ADGRL4: variants seen among roughly 807,000 people sequenced by gnomAD.
ADGRL4 encodes the protein EGF, latrophilin and seven transmembrane domain containing 1.
ADGRL4 carries 90 observed loss-of-function variants against 74.8 expected under a neutral mutation model. That is an observed-to-expected ratio of 1.20 (90% CI 1.02 to 1.43). The LOEUF is 1.43. ADGRL4 is among the 40% of genes most tolerant of loss of function. The pLI, the probability that ADGRL4 is intolerant of heterozygous loss-of-function variation, is 0.00. For synonymous variants in ADGRL4, 311 were observed against 279.2 expected (o/e 1.11, Z -1.14); for missense variants, 881 against 814.3 (o/e 1.08, Z -1.00).
chr1:78,905,514 C>T (rs1038672933), intron 12 of ADGRL4, among the ~76,000 whole-genome samples: 2 of 151,874 alleles, frequency 1.3e-5, no homozygotes, highest in African/African-American at 2.4e-5. Context: ...TTTTGAGACA[C>T]CTGTGGCCTT....
intron 7 of ADGRL4, among the ~76,000 whole-genome samples, chr1:78,927,730 T>G (rs1649148833): frequency 1.3e-5 from 2 of 152,016 alleles, no homozygotes; most frequent in African/African-American, 2.4e-5. Context: ...AATATTAATA[T>G]CATCAAATAA....
chr1:78,909,219 G>C (rs1019414101), intron 12 of ADGRL4, among the ~76,000 whole-genome samples: 1 of 151,956 alleles, frequency 6.6e-6, no homozygotes, highest in African/African-American at 2.4e-5. Context: ...ATTACAATGA[G>C]TAGTGTTTCT....
intron 12 of ADGRL4, among the ~76,000 whole-genome samples, chr1:78,906,799 A>C (rs1570217176): frequency 6.6e-6 from 1 of 151,996 alleles, no homozygotes; most frequent in East Asian, 1.9e-4. Flanking sequence ...GCTAAAATAG[A>C]ACTTTCGCAA....
chr1:78,922,334 C>A (rs1247586643), intron 8 of ADGRL4, among the ~76,000 whole-genome samples: 1 of 151,848 alleles, frequency 6.6e-6, no homozygotes, highest in African/African-American at 2.4e-5. Context: ...ACAGAGGGTT[C>A]CAAACAGTTG....
chr1:78,962,997 A>G (rs1405412178), intron 2 of ADGRL4, among the ~76,000 whole-genome samples: 1 of 152,176 alleles, frequency 6.6e-6, no homozygotes, highest in East Asian at 1.9e-4. Context: ...TTATAAGCTG[A>G]GGAACTCTCC....
intron 2 of ADGRL4, among the ~76,000 whole-genome samples, chr1:78,972,192 T>C (rs951996643): frequency 6.6e-5 from 10 of 152,234 alleles, no homozygotes; most frequent in Non-Finnish European, 1.0e-4. Context: ...TTGCTACTTA[T>C]GTTATGGAAT....
chr1:78,966,048 TG>T (rs1650049824), intron 2 of ADGRL4, among the ~76,000 whole-genome samples: 1 of 151,534 alleles, frequency 6.6e-6, no homozygotes, highest in Non-Finnish European at 1.5e-5. Context: ...AAATTTTGGT[TG>T]GGAAAAGCCA....
chr1:78,965,929 G>C (rs976987634), intron 2 of ADGRL4, among the ~76,000 whole-genome samples: 1 of 148,790 alleles, frequency 6.7e-6, no homozygotes, highest in Non-Finnish European at 1.5e-5. Context: ...TTTGCCAAAA[G>C]AACTATTCTT....
chr1:78,963,054 G>T (rs1347941859), intron 2 of ADGRL4, among the ~76,000 whole-genome samples: 1 of 152,058 alleles, frequency 6.6e-6, no homozygotes, highest in South Asian at 2.1e-4. Flanking sequence ...AAGGAAAAAA[G>T]ATCATAATTT....
At chr1:78,942,492 G>A (rs1016695958) in intron 3 of ADGRL4, among the ~76,000 whole-genome samples, 1 of 152,094 alleles carries the variant, frequency 6.6e-6, no homozygotes, top group African/African-American at 2.4e-5. Flanking sequence ...ATCTCTGTTA[G>A]GTAATTATTT....
rs1400298765 is a variant in ADGRL4 at position 78,944,822 on chromosome 1, T to A, written c.325+1452A>T. Among the ~76,000 whole-genome samples the A allele has an allele frequency of 3.3e-5, 5 of 152,122 alleles. No individual in the cohort carries two copies. The East Asian group carries it at 9.6e-4, about 29-fold the overall frequency. ...CTTTTTTACATAACAGAGTAAATGT[T>A]GTGAAGCGTAGGTACATGAGACTGG... On this transcript the variant is annotated intron_variant, in intron 3 of 14. Transcript: ENST00000370742.
chr1:78,943,470 T>G (rs544510024), intron 3 of ADGRL4, among the ~76,000 whole-genome samples: 1 of 152,222 alleles, frequency 6.6e-6, no homozygotes, highest in Admixed American at 6.5e-5. Context: ...AATGAACTTA[T>G]GTGTCGAAAA....
intron 8 of ADGRL4, among the ~76,000 whole-genome samples, chr1:78,924,972 T>G (rs941674031): frequency 6.6e-6 from 1 of 152,120 alleles, no homozygotes; most frequent in South Asian, 2.1e-4. Context: ...AATTTTTGGT[T>G]TTTTGGTTGA....
chr1:78,934,759 C>T (rs141698561), intron 7 of ADGRL4, among the ~76,000 whole-genome samples: 2 of 152,160 alleles, frequency 1.3e-5, no homozygotes, highest in African/African-American at 4.8e-5. Context: ...TGGACAGACA[C>T]TTCTCAAAAG....
intron 2 of ADGRL4, among the ~76,000 whole-genome samples, chr1:78,991,991 C>G (rs913804353): frequency 6.6e-6 from 1 of 152,022 alleles, no homozygotes; most frequent in African/African-American, 2.4e-5. Flanking sequence ...AAATTTTATT[C>G]TCAAACCATA....
chr1:78,892,421 C>T (rs1316316388), intron 13 of ADGRL4, among the ~76,000 whole-genome samples: 1 of 152,146 alleles, frequency 6.6e-6, no homozygotes, highest in Non-Finnish European at 1.5e-5. Flanking sequence ...ATTATTCTCT[C>T]ATTCATTTTT....
intron 12 of ADGRL4, among the ~76,000 whole-genome samples, chr1:78,904,913 C>A (rs1428706098): frequency 6.6e-6 from 1 of 151,990 alleles, no homozygotes; most frequent in African/African-American, 2.4e-5. Context: ...GTGGTTATAA[C>A]ACTCATACAG....
intron 2 of ADGRL4, among the ~76,000 whole-genome samples, chr1:78,960,989 T>C (rs569366963): frequency 6.6e-6 from 1 of 152,338 alleles, no homozygotes; most frequent in African/African-American, 2.4e-5. Context: ...TATGCACCCA[T>C]ATTTATTCAT....
At chr1:78,941,642 T>C (rs184725870) in intron 3 of ADGRL4, among the ~76,000 whole-genome samples, 37 of 152,202 alleles carry the variant, frequency 2.4e-4, no homozygotes, top group African/African-American at 7.0e-4. Flanking sequence ...CTTGGCTCCA[T>C]GGACTCAATT....
Sources: gnomAD v4.1 joint callset for allele counts (sites outside exome capture counted in the v4.1 genomes callset) on GRCh38, gnomAD v4.1.1 for gene constraint, MANE v1.5 for transcripts, NCBI Gene and HGNC (gene_info 2026-07-23, HGNC 2026-07-21) for gene names.